The following TTC39C variants were observed in gnomAD, a reference collection of about 807,000 sequenced individuals.
The protein encoded by TTC39C is tetratricopeptide repeat domain 39C.
Under a neutral mutation model 76.3 loss-of-function variants are expected in TTC39C, and 33 were observed. That is an observed-to-expected ratio of 0.43 (90% CI 0.33 to 0.58). The LOEUF (loss-of-function observed/expected upper bound fraction) is 0.58. Among genes scored for constraint, TTC39C ranks in the 20% least tolerant of loss-of-function variants. The pLI is 0.04. For missense variants in TTC39C, 595 were observed against 701.4 expected (o/e 0.85, Z 1.71); for synonymous variants, 254 against 260.6 (o/e 0.97, Z 0.24).
At chr18:24,028,660 G>A (rs746612988) in intron 1 of TTC39C, among the ~76,000 whole-genome samples, 1 of 152,142 alleles carries the variant, frequency 6.6e-6, no homozygotes, top group Non-Finnish European at 1.5e-5. Flanking sequence ...AATGTTTCTA[G>A]CTTCCCTTTG....
intron 6 of TTC39C, among the ~76,000 whole-genome samples, chr18:24,099,822 A>G (rs1225307756): frequency 6.6e-6 from 1 of 152,074 alleles, no homozygotes; most frequent in Non-Finnish European, 1.5e-5. Flanking sequence ...ATGTTAATAT[A>G]TATTTACTTA....
intron 1 of TTC39C, among the ~76,000 whole-genome samples, chr18:24,031,767 G>A (rs1016726156): frequency 6.6e-6 from 1 of 152,114 alleles, no homozygotes; most frequent in African/African-American, 2.4e-5. Flanking sequence ...CTCTTTTGCA[G>A]CCTCTGTGGT....
rs146569405 is a variant in TTC39C at position 23,996,827 on chromosome 18, T to A, written c.-17+3789T>A. Among the ~76,000 whole-genome samples the A allele has an allele frequency of 4.1e-3, 631 of 152,250 alleles. 4 individuals are homozygous for A. The highest frequency in any genetic ancestry group is 0.014 in the African/African-American group (602 of 41,540). On this transcript the variant is annotated intron_variant, in intron 1 of 13. Coordinates refer to the TTC39C transcript ENST00000304621. ...GATGCCTTCCTATTAAGAAATCAGT[T>A]GGCCGGGCACAGTGGCTCACGCCTG... is the stretch of plus-strand genomic sequence containing the variant.
At chr18:23,995,341 G>T (rs1290458222) in intron 1 of TTC39C, among the ~76,000 whole-genome samples, 1 of 152,030 alleles carries the variant, frequency 6.6e-6, no homozygotes, top group African/African-American at 2.4e-5. Flanking sequence ...GTGGTGGCGC[G>T]CGTCTGTAGT....
chr18:24,037,755 A>G (rs998171176), intron 1 of TTC39C, among the ~76,000 whole-genome samples: 1 of 152,252 alleles, frequency 6.6e-6, no homozygotes, highest in African/African-American at 2.4e-5. Context: ...TACAAATGGA[A>G]GGTAGTAGTA....
chr18:24,101,390 C>T (rs1447820581), intron 6 of TTC39C, among the ~76,000 whole-genome samples: 1 of 151,674 alleles, frequency 6.6e-6, no homozygotes, highest in Admixed American at 6.6e-5. Flanking sequence ...GGCGTTATCA[C>T]CAGGTCAAGA....
intron 1 of TTC39C, among the ~76,000 whole-genome samples, chr18:23,999,209 C>T (rs1409039367): frequency 2.6e-5 from 4 of 152,212 alleles, no homozygotes; most frequent in African/African-American, 7.2e-5. Context: ...TCCTGCAAGG[C>T]TCCTAGCCTT....
chr18:24,030,057 T>G (rs190749989), intron 1 of TTC39C, among the ~76,000 whole-genome samples: 94 of 152,366 alleles, frequency 6.2e-4, no homozygotes, highest in African/African-American at 2.1e-3. Flanking sequence ...AGATCTACTT[T>G]TAGTTCTTTA....
intron 1 of TTC39C, among the ~76,000 whole-genome samples, chr18:24,061,428 CT>C (rs964452866): frequency 6.6e-6 from 1 of 151,880 alleles, no homozygotes; most frequent in African/African-American, 2.4e-5. Flanking sequence ...CTAGGAGCCT[CT>C]TCCTCCCCGT....
intron 1 of TTC39C, chr18:24,020,062 C>T (rs2083500901): frequency 7.3e-7 from 1 of 1,375,302 alleles, no homozygotes; most frequent in South Asian, 1.8e-5. Context: ...GTGTCTCTGC[C>T]TTGCTCCTGG....
Position 24,134,290 on chromosome 18 carries a change from T to G in TTC39C, c.*1716T>G, listed in dbSNP as rs969335417. The G allele has an allele frequency of 7.2e-6, 1 of 138,716 alleles. No homozygotes were observed. Among genetic ancestry groups the G allele is most frequent in the African/African-American group, 2.8e-5 (1 of 35,910 alleles). 8.6% of individuals were successfully genotyped at this position (138,716 alleles called of 1,614,324 possible). On this transcript the variant is annotated 3_prime_UTR_variant, in exon 14 of 14. Coordinates refer to ENST00000317571, the MANE Select transcript of TTC39C (RefSeq NM_001135993.2). Reference sequence around the variant, plus strand: ...TTTTTTTTTTTTTTTTTTTTTTTTTTTGAGACGGAGTCTCGCTCTGTCACC... The same window carrying G: ...TTTTTTTTTTTTTTTTTTTTTTTTTGTGAGACGGAGTCTCGCTCTGTCACC...
intron 1 of TTC39C, among the ~76,000 whole-genome samples, chr18:24,045,825 A>G (rs1438441182): frequency 6.7e-6 from 1 of 149,066 alleles, no homozygotes; most frequent in Non-Finnish European, 1.5e-5. Context: ...AAAAATACAT[A>G]TATAGAAAAA....
rs906523138 is a variant in TTC39C at position 24,059,726 on chromosome 18, A to G, written c.168-4414A>G. On this transcript the variant is annotated intron_variant, in intron 1 of 13. Coordinates refer to ENST00000317571, the MANE Select transcript of TTC39C (RefSeq NM_001135993.2). ...TTTATAGTTTTTTGGGTATATACCCAGTAACAGGATTCCTGGGTTGAATGG... is the reference window on the plus strand; with the variant it reads ...TTTATAGTTTTTTGGGTATATACCCGGTAACAGGATTCCTGGGTTGAATGG... Among the ~76,000 whole-genome samples, 11 of 152,238 alleles carry G rather than the reference A, an allele frequency of 7.2e-5. No individual in the cohort carries two copies. In the East Asian group the frequency reaches 1.3e-3, roughly 19 times the overall value.
intron 1 of TTC39C, among the ~76,000 whole-genome samples, chr18:24,033,802 A>G (rs1259098164): frequency 3.3e-5 from 5 of 152,200 alleles, no homozygotes; most frequent in Non-Finnish European, 7.3e-5. Context: ...GTGACTGGTC[A>G]TTGCACCTCT....
chr18:24,123,656 C>A, intron 8 of TTC39C, 178 bp from the exon 9 acceptor site: 1 of 479,628 alleles, frequency 2.1e-6, no homozygotes, highest in Non-Finnish European at 3.6e-6. Flanking sequence ...ATCCACTCGC[C>A]TCTGCCTTCC....
At chr18:24,109,324 G>A (rs1184029861) in intron 6 of TTC39C, among the ~76,000 whole-genome samples, 1 of 151,824 alleles carries the variant, frequency 6.6e-6, no homozygotes, top group Non-Finnish European at 1.5e-5. Context: ...GCAAGACCCT[G>A]TTTCAAATAA....
chr18:24,073,787 G>A (rs2084270472), intron 4 of TTC39C, among the ~76,000 whole-genome samples: 1 of 152,174 alleles, frequency 6.6e-6, no homozygotes, highest in African/African-American at 2.4e-5. Context: ...CCCAAAGTGT[G>A]GGGATTACAG....
At chr18:24,047,740 A>C (rs184095784) in intron 1 of TTC39C, among the ~76,000 whole-genome samples, 5 of 152,342 alleles carry the variant, frequency 3.3e-5, no homozygotes, top group Admixed American at 3.3e-4. Context: ...ACTTTAATAA[A>C]ACTTTTGAAG....
intron 6 of TTC39C, among the ~76,000 whole-genome samples, chr18:24,086,708 G>A (rs1300686563): frequency 1.3e-5 from 2 of 152,136 alleles, no homozygotes; most frequent in African/African-American, 4.8e-5. Flanking sequence ...ACTGTGCCTC[G>A]AACCTTCTCT....
Sources: allele counts gnomAD v4.1 joint callset (sites outside exome capture counted in the v4.1 genomes callset), GRCh38; gene constraint gnomAD v4.1.1; transcripts MANE v1.5; gene names NCBI Gene and HGNC (gene_info 2026-07-23, HGNC 2026-07-21).